The following PDK1 variants were observed in gnomAD, a reference collection of about 807,000 sequenced individuals.
PDK1 encodes the protein pyruvate dehydrogenase kinase 1.
In PDK1, 39 loss-of-function variants were observed where a neutral mutation model predicts 54.2. The observed-to-expected ratio is 0.72, with a 90% CI of 0.56 to 0.94. The LOEUF (loss-of-function observed/expected upper bound fraction) is 0.94. Ranked by LOEUF, PDK1 falls within the 40% of genes least tolerant of loss-of-function variation. The probability of loss-of-function intolerance (pLI) is 0.00; values close to 1 mark genes in which losing one functional copy is unlikely to be tolerated. For synonymous variants in PDK1, 221 were observed against 207.1 expected, an observed-to-expected ratio of 1.07 and a Z score of -0.58; for missense variants, 552 against 566.0, an observed-to-expected ratio of 0.98 and a Z score of 0.25.
the PDK1 span, among the ~76,000 whole-genome samples, chr2:172,643,452 T>C: frequency 6.6e-6 from 1 of 152,320 alleles, no homozygotes; most frequent in African/African-American, 2.4e-5. Flanking sequence ...TTCCGAGGGC[T>C]GTGCTGAGTC....
At chr2:172,587,626 G>T (rs74747026) in intron 9 of PDK1, among the ~76,000 whole-genome samples, 10,766 of 151,700 alleles carry the variant, frequency 0.071, 1,227 homozygotes, top group East Asian at 0.54. Flanking sequence ...AGCTTCTACA[G>T]CCTGGAAGGG....
chr2:172,678,710 T>C, the PDK1 span, among the ~76,000 whole-genome samples: 1 of 152,328 alleles, frequency 6.6e-6, no homozygotes, highest in East Asian at 1.9e-4. Flanking sequence ...GGACAATAAG[T>C]ACTAGGTCCT....
rs1688316754 is a variant in PDK1, at chr2:172,556,294, C to T, written c.144C>T (p.Phe48=). The part of the protein sequence containing the change: ...SERGVPGQVD[F]YARFSPSPLS... ...GCGGCGTTCCGGGCCAGGTGGACTT[C>T]TACGCGCGCTTCTCGCCGTCCCCGC... The change falls in exon 1 of 11, where the codon TTC becomes TTT. Residue 48 remains phenylalanine, a synonymous_variant. Coordinates refer to ENST00000282077, the MANE Select transcript of PDK1 (RefSeq NM_002610.5). 6 of 1,510,560 alleles carry T rather than the reference C, an allele frequency of 4.0e-6. No homozygotes were observed. The highest frequency in any genetic ancestry group is 2.8e-5 in the East Asian group (1 of 36,360). The allele number at this position is 1,510,560 out of a possible 1,614,324, so 93.6% of individuals were successfully genotyped here.
chr2:172,564,436 G>A (rs2149208358), intron 3 of PDK1, 67 bp from the exon 4 acceptor site: 1 of 1,312,380 alleles, frequency 7.6e-7, no homozygotes. Context: ...AGTTGGTTAA[G>A]CTTATATTTT....
chr2:172,694,508 G>A, the PDK1 span, among the ~76,000 whole-genome samples: 2 of 152,194 alleles, frequency 1.3e-5, no homozygotes, highest in Admixed American at 6.5e-5. Context: ...CCCTGTCTGT[G>A]TGGGCATTCT....
chr2:172,615,111 GC>G, the PDK1 span, among the ~76,000 whole-genome samples: 1 of 152,198 alleles, frequency 6.6e-6, no homozygotes, highest in East Asian at 1.9e-4. Flanking sequence ...TTACTGACGT[GC>G]TCCCTGCCGC....
the PDK1 span, among the ~76,000 whole-genome samples, chr2:172,711,193 G>A: frequency 6.6e-6 from 1 of 152,140 alleles, no homozygotes; most frequent in Non-Finnish European, 1.5e-5. Context: ...GAAATGTTTA[G>A]CATTAATAGT....
chr2:172,635,628 C>T, the PDK1 span, among the ~76,000 whole-genome samples: 42 of 152,168 alleles, frequency 2.8e-4, 1 homozygote, highest in African/African-American at 8.9e-4. Context: ...AACTATTTTT[C>T]TGTTTTTTGT....
the PDK1 span, among the ~76,000 whole-genome samples, chr2:172,615,241 A>G: frequency 6.6e-6 from 1 of 152,174 alleles, no homozygotes; most frequent in Non-Finnish European, 1.5e-5. Context: ...TGTTTTTCTG[A>G]AAAAAATGCT....
At chr2:172,669,074 T>C in the PDK1 span, among the ~76,000 whole-genome samples, 1 of 130,768 alleles carries the variant, frequency 7.6e-6, no homozygotes, top group Non-Finnish European at 1.6e-5. Flanking sequence ...TTTTTTTTTT[T>C]TTTGAGACGG....
the PDK1 span, among the ~76,000 whole-genome samples, chr2:172,639,871 A>G: frequency 6.6e-6 from 1 of 152,228 alleles, no homozygotes; most frequent in African/African-American, 2.4e-5. Flanking sequence ...TTCTGCCCTA[A>G]GGGACTCCAA....
At chr2:172,717,413 C>G in the PDK1 span, among the ~76,000 whole-genome samples, 1 of 152,214 alleles carries the variant, frequency 6.6e-6, no homozygotes, top group African/African-American at 2.4e-5. Flanking sequence ...TTGTTTTAAA[C>G]TGCTAAATGT....
the PDK1 span, among the ~76,000 whole-genome samples, chr2:172,672,328 A>G: frequency 6.6e-6 from 1 of 152,262 alleles, no homozygotes; most frequent in African/African-American, 2.4e-5. Context: ...TTATCCATGA[A>G]TCACCAGTTC....
the PDK1 span, among the ~76,000 whole-genome samples, chr2:172,644,046 G>A: frequency 3.9e-5 from 6 of 152,250 alleles, no homozygotes; most frequent in East Asian, 5.8e-4. Context: ...TGCCATCTTC[G>A]GAGAATGGTT....
At chr2:172,696,503 C>T in the PDK1 span, among the ~76,000 whole-genome samples, 1 of 152,144 alleles carries the variant, frequency 6.6e-6, no homozygotes, top group South Asian at 2.1e-4. Context: ...ACATCTTTGA[C>T]AGTGGGCCAT....
the PDK1 span, among the ~76,000 whole-genome samples, chr2:172,682,533 C>G: frequency 6.6e-6 from 1 of 152,216 alleles, no homozygotes; most frequent in Non-Finnish European, 1.5e-5. Context: ...GCTGGCTAAC[C>G]AGGGACCACA....
chr2:172,667,888 C>T, the PDK1 span, among the ~76,000 whole-genome samples: 2 of 152,168 alleles, frequency 1.3e-5, no homozygotes, highest in Admixed American at 1.3e-4. Flanking sequence ...TAATCAGTGG[C>T]AAAACCGGGA....
At chr2:172,709,449 T>C in the PDK1 span, among the ~76,000 whole-genome samples, 2 of 152,208 alleles carry the variant, frequency 1.3e-5, no homozygotes, top group Admixed American at 6.5e-5. Context: ...TTAGTTCTGT[T>C]AGGGAAAAGG....
At chr2:172,573,652 A>G (rs1238203724) in intron 8 of PDK1, among the ~76,000 whole-genome samples, 2 of 143,984 alleles carry the variant, frequency 1.4e-5, no homozygotes, top group Non-Finnish European at 3.0e-5. Context: ...ATATATATAC[A>G]CTCTCTCTAG....
Sources: allele counts gnomAD v4.1 joint callset (sites outside exome capture counted in the v4.1 genomes callset), GRCh38; gene constraint gnomAD v4.1.1; transcripts MANE v1.5; gene names NCBI Gene and HGNC (gene_info 2026-07-23, HGNC 2026-07-21).